The following SNAP91 variants were observed in gnomAD, a reference collection of about 807,000 sequenced individuals.
SNAP91 encodes the protein clathrin coat assembly protein AP180.
In SNAP91, 27 loss-of-function variants were observed where a neutral mutation model predicts 100.3. The ratio of observed to expected loss-of-function variants is 0.27; its 90% CI spans 0.20 to 0.37. SNAP91 has a LOEUF of 0.37. SNAP91 is among the 10% of genes least tolerant of loss of function. The probability of loss-of-function intolerance (pLI) is 1.00; values close to 1 mark genes in which losing one functional copy is unlikely to be tolerated. For missense variants in SNAP91, 986 were observed against 1,123.7 expected (o/e 0.88, Z 1.75); for synonymous variants, 404 against 398.6 (o/e 1.01, Z -0.16).
chr6:83,687,544 C>T (rs994707522), intron 2 of SNAP91, among the ~76,000 whole-genome samples: 3 of 152,196 alleles, frequency 2.0e-5, no homozygotes, highest in Non-Finnish European at 4.4e-5. Flanking sequence ...CCACTTCACT[C>T]ATTCACTTAT....
chr6:83,556,350 A>AGGGAGAGGGAAG (rs1778581797), intron 28 of SNAP91, 105 bp from the exon 29 acceptor site: 1 of 291,772 alleles, frequency 3.4e-6, no homozygotes, highest in Admixed American at 4.9e-5. Flanking sequence ...GGGGAGAGAG[A>AGGGAGAGGGAAG]GAGAGAGAGA....
chr6:83,673,410 C>T (rs749652539), intron 2 of SNAP91, among the ~76,000 whole-genome samples: 2 of 152,056 alleles, frequency 1.3e-5, no homozygotes, highest in African/African-American at 2.4e-5. Context: ...ACAGAAGAGA[C>T]CCCTCACCAA....
chr6:83,572,721 T>C (rs2128049151), intron 26 of SNAP91, among the ~76,000 whole-genome samples: 1 of 152,234 alleles, frequency 6.6e-6, no homozygotes, highest in East Asian at 1.9e-4. Context: ...AAGGGCAACA[T>C]CACGAAAGTA....
intron 8 of SNAP91, among the ~76,000 whole-genome samples, chr6:83,631,738 G>C (rs558681161): frequency 3.5e-4 from 53 of 151,978 alleles, no homozygotes; most frequent in African/African-American, 1.2e-3. Flanking sequence ...TATGTGTTAG[G>C]TGAGTCTCTC....
chr6:83,692,831 T>C (rs2099148661), intron 2 of SNAP91, among the ~76,000 whole-genome samples: 1 of 152,220 alleles, frequency 6.6e-6, no homozygotes, highest in Non-Finnish European at 1.5e-5. Flanking sequence ...CTTTTTTCCC[T>C]ACTAGCTAGA....
At chr6:83,554,790 C>T (rs1274158837) in intron 29 of SNAP91, among the ~76,000 whole-genome samples, 1 of 152,162 alleles carries the variant, frequency 6.6e-6, no homozygotes, top group Admixed American at 6.6e-5. Context: ...CAGCCACTTC[C>T]CACTCATCTC....
chr6:83,659,425 CTTT>C (rs397887198), intron 5 of SNAP91, among the ~76,000 whole-genome samples: 6 of 124,020 alleles, frequency 4.8e-5, no homozygotes, highest in Non-Finnish European at 3.4e-5. Context: ...ATGTTTTCTT[CTTT>C]TTTTTTTTTT....
intron 8 of SNAP91, among the ~76,000 whole-genome samples, chr6:83,626,894 G>C (rs1274046780): frequency 1.3e-5 from 2 of 152,014 alleles, no homozygotes; most frequent in Non-Finnish European, 2.9e-5. Context: ...GTATTATGCT[G>C]AATAGTAGTG....
chr6:83,578,058 C>A (rs1014676928), intron 24 of SNAP91, among the ~76,000 whole-genome samples: 2 of 152,042 alleles, frequency 1.3e-5, no homozygotes, highest in Admixed American at 1.3e-4. Flanking sequence ...TACTTCATTT[C>A]TTTTTATTGC....
Position 83,580,434 on chromosome 6 carries a change from A to C in SNAP91, c.2299+16T>G. The C allele has an allele frequency of 1.9e-6, 3 of 1,573,776 alleles. No individual in the cohort carries two copies. Among genetic ancestry groups the C allele is most frequent in the South Asian group, 1.2e-5 (1 of 83,756 alleles). ...TGCTTCAGTTAAAGAAAAAAAAAAA[A>C]AACTAGATTACTCACTGCCTACTAA... On this transcript the variant is annotated intron_variant, in intron 24 of 29. Transcript: ENST00000369694.
intron 2 of SNAP91, among the ~76,000 whole-genome samples, chr6:83,669,364 T>A (rs553586183): frequency 7.2e-5 from 11 of 151,968 alleles, no homozygotes; most frequent in African/African-American, 2.4e-4. Context: ...ACAGAAAAAA[T>A]TCTTAAAAAT....
chr6:83,676,623 C>A (rs561261203), intron 2 of SNAP91, among the ~76,000 whole-genome samples: 1 of 152,274 alleles, frequency 6.6e-6, no homozygotes, highest in African/African-American at 2.4e-5. Flanking sequence ...AGGTTCCAGA[C>A]AACTCTGTGC....
At chr6:83,576,984 C>A (rs556229011) in intron 24 of SNAP91, among the ~76,000 whole-genome samples, 52 of 151,874 alleles carry the variant, frequency 3.4e-4, no homozygotes, top group African/African-American at 1.2e-3. Flanking sequence ...AGACAGATGA[C>A]AAAACAATTA....
At chr6:83,694,644 A>G (rs573319696) in intron 2 of SNAP91, among the ~76,000 whole-genome samples, 2 of 152,332 alleles carry the variant, frequency 1.3e-5, no homozygotes, top group East Asian at 1.9e-4. Flanking sequence ...TGGGAGCTTT[A>G]GTTCAGAATC....
At chr6:83,594,096 A>G (rs901395744) in intron 17 of SNAP91, among the ~76,000 whole-genome samples, 2 of 152,184 alleles carry the variant, frequency 1.3e-5, no homozygotes, top group African/African-American at 2.4e-5. Flanking sequence ...TTTGAACTCA[A>G]TGTTACAAAA....
chr6:83,640,216 A>G (rs2097637196), intron 8 of SNAP91, among the ~76,000 whole-genome samples: 1 of 152,208 alleles, frequency 6.6e-6, no homozygotes, highest in Non-Finnish European at 1.5e-5. Context: ...AAAGATTTTA[A>G]ACACAATGCA....
intron 2 of SNAP91, among the ~76,000 whole-genome samples, chr6:83,679,235 G>A (rs535875563): frequency 4.6e-5 from 7 of 152,136 alleles, no homozygotes; most frequent in Admixed American, 1.3e-4. Context: ...GAGCTTCCAC[G>A]GGATTTGGTA....
intron 5 of SNAP91, among the ~76,000 whole-genome samples, 195 bp from the exon 6 acceptor site, chr6:83,659,287 C>G (rs186607848): frequency 1.8e-4 from 28 of 152,176 alleles, no homozygotes; most frequent in Middle Eastern, 3.4e-3. Flanking sequence ...ATTGCACAGG[C>G]AATGCTTGTT....
chr6:83,607,886 T>C lies in SNAP91; in HGVS notation c.913-78A>G, dbSNP rs867095198. ...CAGGGCAGCAGGACTTTTCTTTGTA[T>C]AACCATGACATGCCCAGCAATTTTT... is the stretch of plus-strand genomic sequence containing the variant. On this transcript the variant is annotated intron_variant, in intron 12 of 29. Transcript: ENST00000369694. 10 of 727,920 alleles carry C rather than the reference T, an allele frequency of 1.4e-5. No homozygotes were observed. In the Middle Eastern group the frequency reaches 8.0e-4, roughly 58 times the overall value. The allele number at this position is 727,920 out of a possible 1,614,324, so 45.1% of individuals were successfully genotyped here.
Sources: gnomAD v4.1 joint callset for allele counts (sites outside exome capture counted in the v4.1 genomes callset) on GRCh38, gnomAD v4.1.1 for gene constraint, MANE v1.5 for transcripts, NCBI Gene and HGNC (gene_info 2026-07-23, HGNC 2026-07-21) for gene names.